Variants in PAK1 observed in about 807,000 individuals in gnomAD.
PAK1 encodes p21 (RAC1) activated kinase 1.
Under a neutral mutation model 67.4 loss-of-function variants are expected in PAK1, and 29 were observed. The observed-to-expected ratio is 0.43, with a 90% confidence interval of 0.32 to 0.59. PAK1 has a LOEUF of 0.59. PAK1 is among the 20% of genes least tolerant of loss of function. The pLI is 0.07. For missense variants in PAK1, 337 were observed against 670.7 expected (o/e 0.50, Z 5.50); for synonymous variants, 223 against 237.4 (o/e 0.94, Z 0.56).
At chr11:77,377,653 T>C (rs1206848707) in intron 4 of PAK1, among the ~76,000 whole-genome samples, 2 of 152,196 alleles carry the variant, frequency 1.3e-5, no homozygotes, top group Non-Finnish European at 2.9e-5. Flanking sequence ...TCCAAATATA[T>C]GCAAACCCAC....
At chr11:77,519,125 A>G in the PAK1 span, among the ~76,000 whole-genome samples, 3 of 152,216 alleles carry the variant, frequency 2.0e-5, no homozygotes, top group Non-Finnish European at 4.4e-5. Context: ...TAATTTTTAT[A>G]CTTTCCTGAT....
At chr11:77,402,441 T>C (rs181927812) in intron 1 of PAK1, among the ~76,000 whole-genome samples, 5 of 152,334 alleles carry the variant, frequency 3.3e-5, no homozygotes, top group African/African-American at 9.6e-5. Flanking sequence ...CTTATAATCC[T>C]CTGCCTACCA....
chr11:77,506,837 C>T, the PAK1 span, among the ~76,000 whole-genome samples: 1 of 151,900 alleles, frequency 6.6e-6, no homozygotes, highest in Non-Finnish European at 1.5e-5. Context: ...TTGGGGGGTA[C>T]ATGGGAGGAG....
intron 1 of PAK1, among the ~76,000 whole-genome samples, chr11:77,454,606 G>A (rs1053108746): frequency 3.9e-5 from 6 of 152,016 alleles, no homozygotes; most frequent in Non-Finnish European, 5.9e-5. Flanking sequence ...ATCATCTGGC[G>A]GGCTTGTTAA....
At chr11:77,481,745 T>C in the PAK1 span, among the ~76,000 whole-genome samples, 1 of 151,736 alleles carries the variant, frequency 6.6e-6, no homozygotes, top group Non-Finnish European at 1.5e-5. Context: ...TATGCAATGA[T>C]AGTTTTTGGA....
the PAK1 span, among the ~76,000 whole-genome samples, chr11:77,504,291 A>C: frequency 3.8e-4 from 58 of 152,322 alleles, no homozygotes; most frequent in South Asian, 1.9e-3. Flanking sequence ...AAAGCAAAAA[A>C]AAAAAAATAG....
chr11:77,452,297 G>T (rs1592527702), intron 1 of PAK1, among the ~76,000 whole-genome samples: 1 of 152,158 alleles, frequency 6.6e-6, no homozygotes, highest in Non-Finnish European at 1.5e-5. Flanking sequence ...AAGTAGCAGA[G>T]CCACAGTTTG....
the PAK1 span, among the ~76,000 whole-genome samples, chr11:77,516,085 C>A: frequency 6.6e-6 from 1 of 152,212 alleles, no homozygotes; most frequent in Non-Finnish European, 1.5e-5. Flanking sequence ...TTGGTCAAGT[C>A]ACTTAACCTC....
chr11:77,437,111 A>C (rs569093969), intron 1 of PAK1, among the ~76,000 whole-genome samples: 1 of 152,336 alleles, frequency 6.6e-6, no homozygotes, highest in African/African-American at 2.4e-5. Context: ...AAAGAGGTAA[A>C]TCATTTACTC....
upstream of PAK1, among the ~76,000 whole-genome samples, chr11:77,479,042 G>A (rs958640353): frequency 3.4e-5 from 5 of 146,452 alleles, no homozygotes; most frequent in Non-Finnish European, 4.4e-5. Context: ...CCGAGACCGC[G>A]CCACTGCACT....
chr11:77,507,269 CA>C, the PAK1 span, among the ~76,000 whole-genome samples: 1 of 152,104 alleles, frequency 6.6e-6, no homozygotes, highest in African/African-American at 2.4e-5. Flanking sequence ...AACCAGGGGC[CA>C]GGGGGGCTGT....
At chr11:77,445,391 T>C (rs1956552251) in intron 1 of PAK1, among the ~76,000 whole-genome samples, 1 of 152,244 alleles carries the variant, frequency 6.6e-6, no homozygotes, top group Non-Finnish European at 1.5e-5. Flanking sequence ...TCTAAACTAC[T>C]AAAGTTTGTA....
At chr11:77,332,616 G>T in intron 14 of PAK1, 114 bp downstream of exon 14, 1 of 788,278 alleles carries the variant, frequency 1.3e-6, no homozygotes, top group Non-Finnish European at 2.1e-6. Context: ...AGTGTAGGAA[G>T]TGGTAGAAGA....
rs1942885206 is a variant in PAK1, at chr11:77,337,437, G to A, written c.1117-14C>T. Reference sequence around the variant, plus strand: ...AGCCTGCAGACACTATTGAAGTGGTGTGGGCAGGGGGAGAAAGAAAGGACA... The same window carrying A: ...AGCCTGCAGACACTATTGAAGTGGTATGGGCAGGGGGAGAAAGAAAGGACA... On this transcript the variant is annotated splice_polypyrimidine_tract_variant and intron_variant, in intron 11 of 14. Transcript: ENST00000356341. The A allele has an allele frequency of 2.8e-6, 4 of 1,453,608 alleles. No individual in the cohort carries two copies. The South Asian group carries it at 4.6e-5, about 17-fold the overall frequency. The allele number at this position is 1,453,608 out of a possible 1,614,324, so 90.0% of individuals were successfully genotyped here. A position where few individuals can be genotyped will look rare whatever the true frequency, so the allele number is the denominator to read the frequency against.
chr11:77,429,241 C>T (rs1955747185), intron 1 of PAK1, among the ~76,000 whole-genome samples: 1 of 151,930 alleles, frequency 6.6e-6, no homozygotes, highest in Non-Finnish European at 1.5e-5. Flanking sequence ...TCTGATTTGG[C>T]TCCTACTGGC....
At chr11:77,510,139 T>G in the PAK1 span, among the ~76,000 whole-genome samples, 1 of 152,212 alleles carries the variant, frequency 6.6e-6, no homozygotes, top group Non-Finnish European at 1.5e-5. Flanking sequence ...TTATAGAACA[T>G]GTAGGGAGAC....
At chr11:77,430,189 A>T (rs188789760) in intron 1 of PAK1, among the ~76,000 whole-genome samples, 5 of 152,260 alleles carry the variant, frequency 3.3e-5, no homozygotes, top group African/African-American at 1.2e-4. Flanking sequence ...TATGTGTCTC[A>T]TAGTGATTAA....
upstream of PAK1, chr11:77,474,903 G>A (rs939019379): frequency 1.2e-4 from 19 of 152,274 alleles, no homozygotes; most frequent in African/African-American, 4.6e-4. Flanking sequence ...CAACATGTGC[G>A]AAACTGAGAC....
At chr11:77,526,753 T>A in the PAK1 span, among the ~76,000 whole-genome samples, 1 of 152,136 alleles carries the variant, frequency 6.6e-6, no homozygotes, top group African/African-American at 2.4e-5. Context: ...CGGTCTCTAC[T>A]AAGAATACAA....
Sources: gnomAD v4.1 joint callset for allele counts (sites outside exome capture counted in the v4.1 genomes callset) on GRCh38, gnomAD v4.1.1 for gene constraint, MANE v1.5 for transcripts, NCBI Gene and HGNC (gene_info 2026-07-23, HGNC 2026-07-21) for gene names.